The following NAA15 variants were observed in gnomAD, a reference collection of about 807,000 sequenced individuals.
The protein encoded by NAA15 is N-terminal acetyltransferase.
NAA15 carries 34 observed loss-of-function variants against 114.0 expected under a neutral mutation model. That is an observed-to-expected ratio of 0.30 (90% CI 0.23 to 0.40). NAA15 has a LOEUF of 0.40. Among genes scored for constraint, NAA15 ranks in the 10% least tolerant of loss-of-function variants. The probability of loss-of-function intolerance (pLI) is 1.00; values close to 1 mark genes in which losing one functional copy is unlikely to be tolerated. For synonymous variants in NAA15, 340 were observed against 338.0 expected (o/e 1.01, Z -0.06); for missense variants, 658 against 1,004.5 (o/e 0.66, Z 4.66).
Position 139,349,574 on chromosome 4 carries a change from C to T in NAA15, c.804C>T (p.Leu268=), listed in dbSNP as rs755877865. 21 of 1,605,732 alleles carry T rather than the reference C, an allele frequency of 1.3e-5. No homozygotes were observed. In the South Asian group the frequency reaches 2.3e-4, roughly 17 times the overall value. Residue 268 remains leucine (L), a synonymous_variant, in exon 7 of 20, where the codon CTC becomes CTT. Transcript: ENST00000296543. ...ATTACAAAGGCTTGGAAAAAGCACT[C>T]AAGCCAGGTAGTATTGTTTAAAACT... The part of the protein sequence containing the change: ...WAYYKGLEKA[L]KPANMLERLK...
chr4:139,359,688 C>T, intron 11 of NAA15, 55 bp from the exon 12 acceptor site: 1 of 1,516,586 alleles, frequency 6.6e-7, no homozygotes, highest in Non-Finnish European at 8.9e-7. Context: ...AATGAATTAC[C>T]TGCACAGTAA....
chr4:139,377,554 A>G (rs951552000), intron 16 of NAA15, among the ~76,000 whole-genome samples: 3 of 151,806 alleles, frequency 2.0e-5, no homozygotes, highest in African/African-American at 7.3e-5. Context: ...AAAAAAGGTC[A>G]TGTTTATCAA....
intron 17 of NAA15, among the ~76,000 whole-genome samples, chr4:139,381,522 T>C (rs925814020): frequency 2.6e-5 from 4 of 152,088 alleles, no homozygotes; most frequent in Admixed American, 2.0e-4. Flanking sequence ...TTTCATAATC[T>C]AATTTGTTTA....
At chr4:139,332,607 G>A (rs1747058937) in intron 1 of NAA15, among the ~76,000 whole-genome samples, 1 of 91,522 alleles carries the variant, frequency 1.1e-5, no homozygotes, top group Non-Finnish European at 2.0e-5. Flanking sequence ...TTTTGAGACG[G>A]AGTCTCACTC....
At chr4:139,354,907 T>TG (rs1000760180) in intron 10 of NAA15, among the ~76,000 whole-genome samples, 2 of 152,190 alleles carry the variant, frequency 1.3e-5, no homozygotes, top group Non-Finnish European at 2.9e-5. Flanking sequence ...GATGGAGTCT[T>TG]GCTCTGTCAT....
At chr4:139,354,999 C>G (rs1045009136) in intron 10 of NAA15, among the ~76,000 whole-genome samples, 1 of 152,168 alleles carries the variant, frequency 6.6e-6, no homozygotes, top group Non-Finnish European at 1.5e-5. Context: ...GCCTCAGCCT[C>G]CCGAGTAGCT....
In NAA15 at chr4:139,352,789, T is replaced by C. The variant is rs182256169; in HGVS notation, c.1014+1178T>C. 1.4e-4 allele frequency among the ~76,000 whole-genome samples: 21 copies of C among 148,040 alleles called. No homozygotes were observed. In the East Asian group the frequency reaches 4.4e-3, roughly 31 times the overall value. On this transcript the variant is annotated intron_variant, in intron 9 of 19. Coordinates refer to ENST00000296543, the MANE Select transcript of NAA15 (RefSeq NM_057175.5). ...TTCAAGCGATTCTCCTGCCTCAGCC[T>C]CCCAAGTAGCTGCGATTACAGGCAC...
intron 1 of NAA15, among the ~76,000 whole-genome samples, chr4:139,315,390 G>A (rs147402226): frequency 6.6e-6 from 1 of 151,764 alleles, no homozygotes; most frequent in Admixed American, 6.6e-5. Context: ...GTGGTGGTAC[G>A]TGCCTGTAAT....
chr4:139,329,576 C>CT, intron 1 of NAA15, among the ~76,000 whole-genome samples: 1 of 152,216 alleles, frequency 6.6e-6, no homozygotes, highest in Admixed American at 6.5e-5. Flanking sequence ...AAGGAATGAC[C>CT]TTTTTGCAGT....
chr4:139,379,575 ATTG>A (rs1396868545), intron 17 of NAA15, among the ~76,000 whole-genome samples: 3 of 152,170 alleles, frequency 2.0e-5, no homozygotes, highest in Non-Finnish European at 2.9e-5. Context: ...GTCAGGTTGT[ATTG>A]TTGTTTGGAT....
chr4:139,355,021 C>T (rs944208601), intron 10 of NAA15, among the ~76,000 whole-genome samples: 3 of 152,150 alleles, frequency 2.0e-5, no homozygotes, highest in African/African-American at 7.2e-5. Flanking sequence ...GGACAGGTGC[C>T]TGCCACCACG....
At chr4:139,371,497 G>A (rs868272094) in intron 15 of NAA15, among the ~76,000 whole-genome samples, 16 of 113,676 alleles carry the variant, frequency 1.4e-4, no homozygotes, top group East Asian at 5.7e-4. Flanking sequence ...AAGAAAAGTA[G>A]CACACACACA....
chr4:139,306,497 A>G (rs1340843308), intron 1 of NAA15, among the ~76,000 whole-genome samples: 1 of 151,242 alleles, frequency 6.6e-6, no homozygotes, highest in African/African-American at 2.4e-5. Flanking sequence ...GGCCTCCCAA[A>G]GTGCTGGGAT....
chr4:139,326,210 T>C (rs1746795405), intron 1 of NAA15, among the ~76,000 whole-genome samples: 1 of 152,204 alleles, frequency 6.6e-6, no homozygotes, highest in Non-Finnish European at 1.5e-5. Flanking sequence ...GTTATGGTTC[T>C]GTATCTGGAT....
chr4:139,369,485 A>G (rs1748374195), intron 14 of NAA15, among the ~76,000 whole-genome samples: 1 of 152,080 alleles, frequency 6.6e-6, no homozygotes, highest in African/African-American at 2.4e-5. Flanking sequence ...CACGCCTGTA[A>G]TCCCAGCACT....
intron 15 of NAA15, among the ~76,000 whole-genome samples, chr4:139,375,762 T>C (rs1748562961): frequency 6.6e-6 from 1 of 152,220 alleles, no homozygotes; most frequent in Admixed American, 6.5e-5. Context: ...ACCTGCCTAG[T>C]AATGATTGCA....
At chr4:139,369,481 T>C (rs1748374058) in intron 14 of NAA15, among the ~76,000 whole-genome samples, 1 of 152,090 alleles carries the variant, frequency 6.6e-6, no homozygotes, top group African/African-American at 2.4e-5. Flanking sequence ...GACTCACGCC[T>C]GTAATCCCAG....
chr4:139,316,716 A>T (rs1421170272), intron 1 of NAA15, among the ~76,000 whole-genome samples: 1 of 151,824 alleles, frequency 6.6e-6, no homozygotes, highest in Non-Finnish European at 1.5e-5. Flanking sequence ...TGTACCAACA[A>T]TATTGTTATC....
At chr4:139,327,988 A>C (rs1746858591) in intron 1 of NAA15, among the ~76,000 whole-genome samples, 2 of 152,114 alleles carry the variant, frequency 1.3e-5, no homozygotes, top group African/African-American at 2.4e-5. Flanking sequence ...TTAGATCTGC[A>C]GTGTTTTTAG....
Sources: gnomAD v4.1 joint callset for allele counts (sites outside exome capture counted in the v4.1 genomes callset) on GRCh38, gnomAD v4.1.1 for gene constraint, MANE v1.5 for transcripts, NCBI Gene and HGNC (gene_info 2026-07-23, HGNC 2026-07-21) for gene names.